NIM1K: variants seen among roughly 807,000 people sequenced by gnomAD.
NIM1K encodes serine/threonine-protein kinase NIM1.
Under a neutral mutation model 37.1 loss-of-function variants are expected in NIM1K, and 35 were observed. That is an observed-to-expected ratio of 0.94 (90% CI 0.72 to 1.25). NIM1K has a LOEUF of 1.25. Ranked by LOEUF, NIM1K falls within the 50% of genes most tolerant of loss-of-function variation. The pLI is 0.00. For synonymous variants in NIM1K, 234 were observed against 206.6 expected, an observed-to-expected ratio of 1.13 and a Z score of -1.14; for missense variants, 564 against 548.0, an observed-to-expected ratio of 1.03 and a Z score of -0.29.
At chr5:43,193,062 A>C (rs1293276394) in intron 1 of NIM1K, 1 of 152,146 alleles carries the variant, frequency 6.6e-6, no homozygotes, top group African/African-American at 2.4e-5. Context: ...CGAAGTAAGG[A>C]AGAGCCTCTT....
At chr5:43,270,585 T>C (rs1753241351) in intron 2 of NIM1K, among the ~76,000 whole-genome samples, 1 of 151,910 alleles carries the variant, frequency 6.6e-6, no homozygotes, top group East Asian at 1.9e-4. Context: ...CATGAAAGAG[T>C]TATACAAAAG....
At chr5:43,263,881 C>T (rs1000576124) in intron 2 of NIM1K, among the ~76,000 whole-genome samples, 6 of 152,092 alleles carry the variant, frequency 3.9e-5, no homozygotes, top group Non-Finnish European at 8.8e-5. Context: ...GTTATGTATC[C>T]AGTAGTCATT....
At chr5:43,252,635 C>T (rs1752882075) in intron 2 of NIM1K, among the ~76,000 whole-genome samples, 1 of 151,714 alleles carries the variant, frequency 6.6e-6, no homozygotes, top group African/African-American at 2.4e-5. Flanking sequence ...ACAAAGGAGG[C>T]TCCAATATGG....
intron 1 of NIM1K, among the ~76,000 whole-genome samples, chr5:43,224,070 T>TG (rs1422066401): frequency 6.6e-6 from 1 of 152,104 alleles, no homozygotes; most frequent in African/African-American, 2.4e-5. Flanking sequence ...TTTTTGTTTT[T>TG]TTTTTCCTTT....
chr5:43,277,223 A>G lies in NIM1K; in HGVS notation c.459A>G (p.Ala153=), dbSNP rs767632229. 1 of 1,614,048 alleles carries G rather than the reference A, an allele frequency of 6.2e-7. No individual in the cohort carries two copies. ...LSKLHLVMEY[A]GGGELFGKIS... ...AGCTGCACTTGGTGATGGAGTATGCAGGGGGTGGGGAGCTCTTCGGAAAAA... is the reference window on the plus strand; with the variant it reads ...AGCTGCACTTGGTGATGGAGTATGCGGGGGGTGGGGAGCTCTTCGGAAAAA... The change falls in exon 3 of 4, where the codon GCA becomes GCG. Residue 153 remains alanine, a synonymous_variant. Transcript: ENST00000326035.
chr5:43,244,430 C>G (rs928346078), intron 1 of NIM1K, among the ~76,000 whole-genome samples: 4 of 152,168 alleles, frequency 2.6e-5, no homozygotes, highest in African/African-American at 9.7e-5. Flanking sequence ...AGAGTATTTC[C>G]TGCTGGAGAG....
At position 43,230,770 on chromosome 5, in the gene NIM1K, C is replaced by T. The variant is rs181656009; in HGVS notation, c.-694-14312C>T. On this transcript the variant is annotated intron_variant, in intron 1 of 3. Coordinates refer to ENST00000326035, the MANE Select transcript of NIM1K (RefSeq NM_153361.4). ...AAGGGGGGATAACAACCCCCATCAC[C>T]GTCATTTTCACTCCTCCCCAATTCT... Among the ~76,000 whole-genome samples, 691 of 152,284 alleles carry T rather than the reference C, an allele frequency of 4.5e-3. 5 individuals carry two copies. The highest frequency in any genetic ancestry group is 7.3e-3 in the Admixed American group (111 of 15,292).
intron 2 of NIM1K, among the ~76,000 whole-genome samples, chr5:43,272,504 A>G (rs1179300685): frequency 6.6e-6 from 1 of 151,554 alleles, no homozygotes; most frequent in Non-Finnish European, 1.5e-5. Context: ...GTTGACTTTG[A>G]TCTCTAGGGA....
At chr5:43,253,016 T>C (rs1326172839) in intron 2 of NIM1K, among the ~76,000 whole-genome samples, 3 of 149,794 alleles carry the variant, frequency 2.0e-5, no homozygotes, top group African/African-American at 7.3e-5. Flanking sequence ...TTTGCTTCAT[T>C]GCCCAGGCTG....
chr5:43,194,300 C>T (rs1751879653), intron 1 of NIM1K, among the ~76,000 whole-genome samples: 1 of 152,208 alleles, frequency 6.6e-6, no homozygotes, highest in Admixed American at 6.5e-5. Context: ...CTGAATCCAA[C>T]TCCCCATGGA....
chr5:43,192,630 C>A (rs1281528607), intron 1 of NIM1K, among the ~76,000 whole-genome samples: 2 of 152,202 alleles, frequency 1.3e-5, no homozygotes, highest in African/African-American at 4.8e-5. Flanking sequence ...GATCCGCAAG[C>A]GAGAGGAGGG....
At chr5:43,223,722 T>C (rs1309226310) in intron 1 of NIM1K, among the ~76,000 whole-genome samples, 2 of 152,176 alleles carry the variant, frequency 1.3e-5, no homozygotes. Flanking sequence ...GAAGAAAATC[T>C]GATAGGTGGG....
intron 1 of NIM1K, among the ~76,000 whole-genome samples, chr5:43,210,188 GA>G (rs1184491044): frequency 2.0e-5 from 3 of 151,632 alleles, no homozygotes; most frequent in African/African-American, 7.3e-5. Flanking sequence ...GAGAGGAAGG[GA>G]GGAGAGGGGA....
intron 1 of NIM1K, among the ~76,000 whole-genome samples, chr5:43,223,214 T>C (rs1219914857): frequency 6.6e-6 from 1 of 151,840 alleles, no homozygotes; most frequent in Non-Finnish European, 1.5e-5. Flanking sequence ...ACAGTGGTGC[T>C]TAAGAACCCT....
At chr5:43,213,191 TTCTTTCTTTCTTTC>T (rs1561074746) in intron 1 of NIM1K, among the ~76,000 whole-genome samples, 1 of 113,988 alleles carries the variant, frequency 8.8e-6, no homozygotes, top group East Asian at 2.1e-4. Flanking sequence ...CTTTCTTTCT[TTCTTTCTTTCTTTC>T]TTTCTTTCTT....
chr5:43,250,432 C>T (rs1752852164), intron 2 of NIM1K, among the ~76,000 whole-genome samples: 1 of 152,132 alleles, frequency 6.6e-6, no homozygotes, highest in Non-Finnish European at 1.5e-5. Context: ...CTTTTCCATA[C>T]TTCTTTGCAT....
chr5:43,230,806 C>T lies in NIM1K; in HGVS notation c.-694-14276C>T, dbSNP rs78074901. Among the ~76,000 whole-genome samples the T allele has an allele frequency of 3.6e-3, 543 of 152,390 alleles. 4 individuals are homozygous for T. Among genetic ancestry groups the T allele is most frequent in the African/African-American group, 0.012 (519 of 41,594 alleles). ...CTCCTCCCCAATTCTGTACCTCACACTCCTTCCCCATTTGTCACCCACTAG... is the reference window on the plus strand; with the variant it reads ...CTCCTCCCCAATTCTGTACCTCACATTCCTTCCCCATTTGTCACCCACTAG... On this transcript the variant is annotated intron_variant, in intron 1 of 3. Coordinates refer to ENST00000326035, the MANE Select transcript of NIM1K (RefSeq NM_153361.4).
At chr5:43,194,829 C>G (rs1751889130) in intron 1 of NIM1K, 1 of 152,106 alleles carries the variant, frequency 6.6e-6, no homozygotes, top group African/African-American at 2.4e-5. Flanking sequence ...AACTCCTGGG[C>G]TCAAGGGATC....
intron 2 of NIM1K, among the ~76,000 whole-genome samples, chr5:43,248,456 G>A (rs952602084): frequency 2.0e-5 from 3 of 152,200 alleles, no homozygotes; most frequent in Admixed American, 2.0e-4. Context: ...GGAGCTATCA[G>A]GAATCTATGG....
Sources: allele counts gnomAD v4.1 joint callset (sites outside exome capture counted in the v4.1 genomes callset), GRCh38; gene constraint gnomAD v4.1.1; transcripts MANE v1.5; gene names NCBI Gene and HGNC (gene_info 2026-07-23, HGNC 2026-07-21).